Variants in HTR4 observed in about 807,000 individuals in gnomAD.
HTR4 encodes the protein 5-hydroxytryptamine receptor 4, also known as 5-hydroxytryptamine (serotonin) receptor 4, G protein-coupled.
HTR4 carries 16 observed loss-of-function variants against 36.8 expected under a neutral mutation model. The observed-to-expected ratio is 0.43, with a 90% CI of 0.29 to 0.66. The LOEUF is 0.66. HTR4 is among the 30% of genes least tolerant of loss of function. The pLI is 0.13. For missense variants in HTR4, 438 were observed against 490.9 expected (o/e 0.89, Z 1.02); for synonymous variants, 189 against 185.1 (o/e 1.02, Z -0.17).
intron 2 of HTR4, among the ~76,000 whole-genome samples, chr5:148,584,787 G>C (rs544871051): frequency 3.3e-5 from 5 of 152,262 alleles, no homozygotes; most frequent in African/African-American, 9.6e-5. Context: ...TTGTTTTTCT[G>C]AGTAAATGAA....
At chr5:148,556,475 G>C (rs1201203626) in intron 2 of HTR4, among the ~76,000 whole-genome samples, 7 of 152,090 alleles carry the variant, frequency 4.6e-5, no homozygotes, top group Admixed American at 4.6e-4. Context: ...AATATGTATT[G>C]AGTGCCAACT....
intron 6 of HTR4, among the ~76,000 whole-genome samples, chr5:148,503,557 A>G (rs561061415): frequency 8.5e-5 from 13 of 152,242 alleles, no homozygotes; most frequent in Non-Finnish European, 4.4e-5. Flanking sequence ...TGTAAAGACT[A>G]TCAAGGCTAG....
intron 2 of HTR4, among the ~76,000 whole-genome samples, chr5:148,576,122 A>AAACAAAAAAC (rs1299038416): frequency 1.4e-4 from 19 of 138,892 alleles, no homozygotes; most frequent in African/African-American, 4.3e-4. Flanking sequence ...AAAAAAAAAA[A>AAACAAAAAAC]AAAAAAAAAA....
intron 2 of HTR4, among the ~76,000 whole-genome samples, chr5:148,569,184 A>G (rs1760573499): frequency 6.6e-6 from 1 of 152,072 alleles, no homozygotes; most frequent in African/African-American, 2.4e-5. Flanking sequence ...TGGGTCATGG[A>G]CACACAGGTG....
intron 2 of HTR4, among the ~76,000 whole-genome samples, chr5:148,630,630 A>G (rs7719320): frequency 0.014 from 2,107 of 152,276 alleles, 43 homozygotes; most frequent in African/African-American, 0.049. Flanking sequence ...AATTGAAACA[A>G]TCAAGAAACT....
intron 2 of HTR4, among the ~76,000 whole-genome samples, chr5:148,591,657 T>G (rs1181658340): frequency 6.6e-6 from 1 of 152,124 alleles, no homozygotes. Flanking sequence ...AACAGACACT[T>G]TACAAAAGGA....
intron 2 of HTR4, among the ~76,000 whole-genome samples, chr5:148,614,067 G>A (rs1752557414): frequency 6.6e-6 from 1 of 151,866 alleles, no homozygotes; most frequent in African/African-American, 2.4e-5. Flanking sequence ...CTATGCTCAT[G>A]GGTAGGAAGA....
At chr5:148,547,335 C>T (rs894651842) in intron 4 of HTR4, among the ~76,000 whole-genome samples, 66 of 151,772 alleles carry the variant, frequency 4.3e-4, no homozygotes, top group Non-Finnish European at 5.4e-4. Context: ...CAGTGATTGT[C>T]GGTGAAACCC....
intron 5 of HTR4, among the ~76,000 whole-genome samples, chr5:148,454,802 G>A (rs923153386): frequency 6.6e-5 from 10 of 152,132 alleles, no homozygotes; most frequent in African/African-American, 2.4e-4. Flanking sequence ...TGAGTCTCCT[G>A]AGTGTCATGA....
chr5:148,461,394 A>G (rs1755274625), intron 5 of HTR4, among the ~76,000 whole-genome samples: 2 of 152,138 alleles, frequency 1.3e-5, no homozygotes, highest in Admixed American at 6.5e-5. Context: ...ATTTAAAGAC[A>G]TATAGATTAA....
chr5:148,462,967 G>GA (rs1755316667), intron 5 of HTR4, among the ~76,000 whole-genome samples: 1 of 151,890 alleles, frequency 6.6e-6, no homozygotes, highest in South Asian at 2.1e-4. Flanking sequence ...CTCAATTCAT[G>GA]ATTTAAAAAG....
chr5:148,491,939 AT>A (rs1325458972), intron 6 of HTR4, among the ~76,000 whole-genome samples: 77 of 152,256 alleles, frequency 5.1e-4, no homozygotes, highest in African/African-American at 1.8e-3. Flanking sequence ...TTAAAATGGA[AT>A]CTCTACAAGC....
chr5:148,465,212 C>G (rs1326575135), intron 5 of HTR4, among the ~76,000 whole-genome samples: 4 of 151,984 alleles, frequency 2.6e-5, no homozygotes, highest in Non-Finnish European at 5.9e-5. Context: ...TAAGAATGAA[C>G]TCTAATGTAA....
intron 5 of HTR4, among the ~76,000 whole-genome samples, chr5:148,455,545 A>G (rs1030928089): frequency 6.6e-6 from 1 of 152,128 alleles, no homozygotes; most frequent in African/African-American, 2.4e-5. Context: ...TTCCAAATGG[A>G]GTTTCCCTTT....
chr5:148,458,063 G>A (rs1167289812), intron 5 of HTR4, among the ~76,000 whole-genome samples: 11 of 114,742 alleles, frequency 9.6e-5, no homozygotes, highest in Non-Finnish European at 1.8e-4. Context: ...TATATTTTAA[G>A]ATCTATTTAA....
At position 148,577,390 on chromosome 5, in the gene HTR4, A is replaced by G. The variant is rs146637919; in HGVS notation, c.27-27128T>C. Among the ~76,000 whole-genome samples the G allele has an allele frequency of 9.0e-3, 1,377 of 152,248 alleles. 21 individuals carry two copies. The highest frequency in any genetic ancestry group is 0.032 in the African/African-American group (1,326 of 41,548). ...GGTGGGAGTGTAAATTAGTTCAACC[A>G]TTGTGGAAAGCAGTATAGTGATTCC... On this transcript the variant is annotated intron_variant, in intron 2 of 6. Coordinates refer to ENST00000377888, the MANE Select transcript of HTR4 (RefSeq NM_000870.7).
chr5:148,510,722 C>T (rs112087569), intron 5 of HTR4, among the ~76,000 whole-genome samples: 2,398 of 152,332 alleles, frequency 0.016, 32 homozygotes, highest in Middle Eastern at 0.048. Context: ...TGGGGGATGC[C>T]ATGGGGCACT....
intron 2 of HTR4, among the ~76,000 whole-genome samples, chr5:148,627,125 C>T (rs1753140133): frequency 6.6e-6 from 1 of 152,130 alleles, no homozygotes. Flanking sequence ...TCCTGCCTCC[C>T]CTGGACTACT....
intron 6 of HTR4, among the ~76,000 whole-genome samples, chr5:148,483,627 T>C (rs1399417625): frequency 6.6e-6 from 1 of 152,222 alleles, no homozygotes; most frequent in Non-Finnish European, 1.5e-5. Context: ...ATTCCGATTT[T>C]CTTTAATAGT....
Sources: allele counts gnomAD v4.1 joint callset (sites outside exome capture counted in the v4.1 genomes callset), GRCh38; gene constraint gnomAD v4.1.1; transcripts MANE v1.5; gene names NCBI Gene and HGNC (gene_info 2026-07-23, HGNC 2026-07-21).